The following RFTN2 variants were observed in gnomAD, a reference collection of about 807,000 sequenced individuals.
The protein encoded by RFTN2 is raftlin-2.
Under a neutral mutation model 52.7 loss-of-function variants are expected in RFTN2, and 34 were observed. That is an observed-to-expected ratio of 0.64 (90% CI 0.49 to 0.86). RFTN2 has a LOEUF of 0.86. Among genes scored for constraint, RFTN2 ranks in the 40% least tolerant of loss-of-function variants. RFTN2 has a pLI of 0.00. For missense variants in RFTN2, 536 were observed against 600.1 expected, an observed-to-expected ratio of 0.89 and a Z score of 1.12; for synonymous variants, 203 against 217.7, an observed-to-expected ratio of 0.93 and a Z score of 0.59.
chr2:197,665,328 T>G (rs1310172722), intron 1 of RFTN2, among the ~76,000 whole-genome samples: 4 of 152,108 alleles, frequency 2.6e-5, no homozygotes, highest in Admixed American at 6.5e-5. Context: ...TTATTTACTG[T>G]CTGGATGATC....
chr2:197,588,429 G>C (rs769256049), intron 8 of RFTN2, among the ~76,000 whole-genome samples: 1 of 152,158 alleles, frequency 6.6e-6, no homozygotes, highest in Non-Finnish European at 1.5e-5. Context: ...TGCCCCAGTT[G>C]GTCTCAAACT....
chr2:197,637,815 T>C (rs1245442162), intron 3 of RFTN2, among the ~76,000 whole-genome samples: 1 of 152,030 alleles, frequency 6.6e-6, no homozygotes, highest in Non-Finnish European at 1.5e-5. Context: ...TTTCTAGTTC[T>C]TTTAATTGTG....
In RFTN2 at chr2:197,616,732, G is replaced by A. The variant is rs142531293; in HGVS notation, c.1051-753C>T. Among the ~76,000 whole-genome samples the A allele has an allele frequency of 3.3e-3, 498 of 152,256 alleles. 2 individuals carry two copies. Among genetic ancestry groups the A allele is most frequent in the African/African-American group, 0.012 (482 of 41,544 alleles). On this transcript the variant is annotated intron_variant, in intron 6 of 8. Transcript: ENST00000295049. ...AATAGTGGTATTGAAGATGAGAGGC[G>A]CTTGGGTGTGGGGAGTCTTTTCACT...
At chr2:197,616,252 G>C (rs577419033) in intron 6 of RFTN2, among the ~76,000 whole-genome samples, 1 of 48,712 alleles carries the variant, frequency 2.1e-5, no homozygotes, top group African/African-American at 8.7e-5. Context: ...CATGGGGTTG[G>C]GGAGCTGGGA....
chr2:197,665,426 T>C (rs1192626650), intron 1 of RFTN2, among the ~76,000 whole-genome samples: 1 of 152,030 alleles, frequency 6.6e-6, no homozygotes, highest in Non-Finnish European at 1.5e-5. Context: ...ATTTGCTTTA[T>C]GAATCTGGGT....
rs2088171028 is a variant in RFTN2 at position 197,617,821 on chromosome 2, T to C, written c.1029A>G (p.Val343=). The change falls in exon 6 of 9, where the codon GTA becomes GTG. Residue 343 remains valine, a synonymous_variant. Coordinates refer to ENST00000295049, the MANE Select transcript of RFTN2 (RefSeq NM_144629.3). ...TCACCTCAATAACAGTCCATTGTTCTACTACGATGGCATCATTTCCTTTCC... is the reference window on the plus strand; with the variant it reads ...TCACCTCAATAACAGTCCATTGTTCCACTACGATGGCATCATTTCCTTTCC... The part of the protein sequence containing the change: ...SSRKGNDAIV[V]EQWTVIEGCE... 12 of 1,605,044 alleles carry C rather than the reference T, an allele frequency of 7.5e-6. No individual in the cohort carries two copies. The highest frequency in any genetic ancestry group is 1.0e-5 in the Non-Finnish European group (12 of 1,174,128).
At chr2:197,642,848 C>T (rs903398790) in intron 3 of RFTN2, among the ~76,000 whole-genome samples, 1 of 151,994 alleles carries the variant, frequency 6.6e-6, no homozygotes, top group Non-Finnish European at 1.5e-5. Context: ...GCGTGGTGTC[C>T]CATGCCTACA....
chr2:197,673,959 C>T (rs1325323800), intron 1 of RFTN2, among the ~76,000 whole-genome samples: 1 of 151,498 alleles, frequency 6.6e-6, no homozygotes, highest in Non-Finnish European at 1.5e-5. Flanking sequence ...AGAAACGAGT[C>T]CTAAAAAAAA....
intron 7 of RFTN2, among the ~76,000 whole-genome samples, chr2:197,615,124 G>A (rs2088121469): frequency 6.6e-6 from 1 of 152,198 alleles, no homozygotes. Context: ...AACCGGGAAG[G>A]CCAGAAAAGG....
intron 7 of RFTN2, among the ~76,000 whole-genome samples, chr2:197,613,350 A>G (rs1026614104): frequency 5.3e-5 from 8 of 152,190 alleles, no homozygotes; most frequent in African/African-American, 1.9e-4. Flanking sequence ...TTATTGTCCA[A>G]TTTTTCAGAT....
intron 8 of RFTN2, among the ~76,000 whole-genome samples, chr2:197,581,480 G>A (rs1461482014): frequency 1.3e-5 from 2 of 152,130 alleles, no homozygotes; most frequent in South Asian, 2.1e-4. Context: ...AGCCTTCAGG[G>A]ACAGCCCTCA....
rs67699316 is a variant in RFTN2, at chr2:197,607,475, TATAATA to T, written c.1154+8395_1154+8400del. The stretch of plus-strand genomic sequence containing the variant: ...TGCACATGTGCCCTAAAACTTGAAG[TATAATA>T]ATAATAATAATAATAATAATAATAA... On this transcript the variant is annotated intron_variant, in intron 7 of 8. Coordinates refer to ENST00000295049, the MANE Select transcript of RFTN2 (RefSeq NM_144629.3). Among the ~76,000 whole-genome samples the T allele has an allele frequency of 2.7e-3, 398 of 147,432 alleles. 4 individuals are homozygous for T. The highest frequency in any genetic ancestry group is 0.013 in the South Asian group (58 of 4,632).
At chr2:197,622,086 C>T (rs1183850879) in intron 5 of RFTN2, among the ~76,000 whole-genome samples, 1 of 152,148 alleles carries the variant, frequency 6.6e-6, no homozygotes, top group Non-Finnish European at 1.5e-5. Flanking sequence ...AACTCTCTTC[C>T]ATTCTATGAA....
intron 8 of RFTN2, among the ~76,000 whole-genome samples, chr2:197,576,768 G>A (rs1027707978): frequency 1.3e-4 from 20 of 152,156 alleles, no homozygotes; most frequent in Admixed American, 6.5e-4. Context: ...CAGCCCCAGC[G>A]GGTTGCATAG....
intron 5 of RFTN2, among the ~76,000 whole-genome samples, chr2:197,630,746 C>A (rs2106231436): frequency 6.6e-6 from 1 of 152,316 alleles, no homozygotes; most frequent in East Asian, 1.9e-4. Context: ...TTCTCCTAGT[C>A]AATCACACAG....
chr2:197,584,026 T>C (rs571421340), intron 8 of RFTN2, among the ~76,000 whole-genome samples: 36 of 152,322 alleles, frequency 2.4e-4, no homozygotes, highest in South Asian at 2.1e-3. Flanking sequence ...CAGTCTATCA[T>C]TGATGGACAT....
At chr2:197,640,476 C>T (rs1276838529) in intron 3 of RFTN2, among the ~76,000 whole-genome samples, 2 of 152,064 alleles carry the variant, frequency 1.3e-5, no homozygotes, top group African/African-American at 2.4e-5. Context: ...GCGCAATATT[C>T]GGGTGGGAGT....
chr2:197,593,296 C>T (rs371891896), intron 8 of RFTN2, among the ~76,000 whole-genome samples: 6 of 152,020 alleles, frequency 3.9e-5, no homozygotes, highest in African/African-American at 9.7e-5. Flanking sequence ...ACCCTAACTA[C>T]TTGGGAGGCT....
intron 1 of RFTN2, among the ~76,000 whole-genome samples, chr2:197,647,172 G>A (rs887063090): frequency 6.6e-6 from 1 of 152,060 alleles, no homozygotes; most frequent in East Asian, 1.9e-4. Flanking sequence ...ATAATTTGAA[G>A]AGCCAGTCAT....
Sources: allele counts gnomAD v4.1 joint callset (sites outside exome capture counted in the v4.1 genomes callset), GRCh38; gene constraint gnomAD v4.1.1; transcripts MANE v1.5; gene names NCBI Gene and HGNC (gene_info 2026-07-23, HGNC 2026-07-21).